The following ARHGEF28 variants were observed in gnomAD, a reference collection of about 807,000 sequenced individuals.
ARHGEF28 encodes the protein 190 kDa guanine nucleotide exchange factor.
ARHGEF28 carries 152 observed loss-of-function variants against 206.6 expected under a neutral mutation model. That is an observed-to-expected ratio of 0.74 (90% CI 0.64 to 0.84). ARHGEF28 has a LOEUF of 0.84. ARHGEF28 is among the 40% of genes least tolerant of loss of function. ARHGEF28 has a pLI of 0.00. For missense variants in ARHGEF28, 2,028 were observed against 2,073.2 expected, an observed-to-expected ratio of 0.98 and a Z score of 0.42; for synonymous variants, 763 against 776.4, an observed-to-expected ratio of 0.98 and a Z score of 0.29.
In ARHGEF28 at chr5:73,867,867, G is replaced by A. The variant is rs746530833; in HGVS notation, c.2153-9G>A. The A allele has an allele frequency of 2.5e-6, 4 of 1,613,792 alleles. No homozygotes were observed. Among genetic ancestry groups the A allele is most frequent in the Non-Finnish European group, 3.4e-6 (4 of 1,179,858 alleles). Reference sequence around the variant, plus strand: ...GGAAACCACATGAAGCATCTGTTCTGATTTCCAGATTCTTCATTTAGAGAC... The same window carrying A: ...GGAAACCACATGAAGCATCTGTTCTAATTTCCAGATTCTTCATTTAGAGAC... On this transcript the variant is annotated splice_polypyrimidine_tract_variant and intron_variant, in intron 18 of 35. Transcript: ENST00000513042.
At chr5:73,779,019 G>T (rs1753687215) in intron 6 of ARHGEF28, among the ~76,000 whole-genome samples, 1 of 152,178 alleles carries the variant, frequency 6.6e-6, no homozygotes, top group Non-Finnish European at 1.5e-5. Context: ...CTGTAGTCCT[G>T]TAGAACAATG....
chr5:73,857,529 A>G (rs1759121629), intron 14 of ARHGEF28, 127 bp from the exon 15 acceptor site: 7 of 1,040,072 alleles, frequency 6.7e-6, no homozygotes, highest in Non-Finnish European at 8.0e-6. Context: ...ACAGCCACTA[A>G]AACCTGAAAA....
intron 1 of ARHGEF28, among the ~76,000 whole-genome samples, chr5:73,672,124 A>G (rs16870666): frequency 0.22 from 33,114 of 151,980 alleles, 3,852 homozygotes; most frequent in Non-Finnish European, 0.24. Context: ...GGAAATGTGT[A>G]ATTAAGAGTG....
rs564094380 is a variant in ARHGEF28 at position 73,893,319 on chromosome 5, C to T, written c.3658+31C>T. The T allele has an allele frequency of 9.3e-6, 14 of 1,507,322 alleles. No individual in the cohort carries two copies. The Admixed American group carries it at 1.3e-4, about 14-fold the overall frequency. The allele number at this position is 1,507,322 out of a possible 1,614,324, so 93.4% of individuals were successfully genotyped here. A position where few individuals can be genotyped will look rare whatever the true frequency, so the allele number is the denominator to read the frequency against. On this transcript the variant is annotated intron_variant, in intron 28 of 35. Coordinates refer to ENST00000513042, the MANE Select transcript of ARHGEF28 (RefSeq NM_001177693.2). The stretch of plus-strand genomic sequence containing the variant: ...GTGCAGGCACTTCTGGCTCCCTGGT[C>T]GTGGTGTTCTCCTGGGTGTTGGGAA...
chr5:73,846,756 A>G (rs184946147), intron 12 of ARHGEF28, among the ~76,000 whole-genome samples: 3 of 152,290 alleles, frequency 2.0e-5, no homozygotes, highest in East Asian at 1.9e-4. Flanking sequence ...TCATTTTACA[A>G]TGATTTCTCC....
chr5:73,717,041 C>G (rs1156302390), intron 2 of ARHGEF28, among the ~76,000 whole-genome samples: 3 of 151,956 alleles, frequency 2.0e-5, no homozygotes, highest in Non-Finnish European at 4.4e-5. Flanking sequence ...AATTGCTGAC[C>G]TTAGACAATT....
rs535085039 is a variant in ARHGEF28 at position 73,846,417 on chromosome 5, C to T, written c.1577C>T (p.Pro526Leu). The T allele has an allele frequency of 4.2e-5, 67 of 1,613,894 alleles. No homozygotes were observed. The highest frequency in any genetic ancestry group is 2.4e-4 in the South Asian group (22 of 91,070). The change falls in exon 12 of 36, where the codon CCG becomes CTG. Residue 526 changes from proline to leucine, a missense_variant. Physicochemically the swap from Pro to Leu is moderately conservative, Grantham distance 98. This residue lies in a region of ARHGEF28 where 1,002 missense variants were observed against 1,015.3 expected (regional missense o/e 0.99). Coordinates refer to ENST00000513042, the MANE Select transcript of ARHGEF28 (RefSeq NM_001177693.2). ...ELDSFETNTEPDFNISRAESL... is the reference protein window; with the variant it reads ...ELDSFETNTELDFNISRAESL... ...GACTCTTTTGAGACTAACACTGAACCGGATTTTAATATCTCCAGGGCTGAA... is the reference window on the plus strand; with the variant it reads ...GACTCTTTTGAGACTAACACTGAACTGGATTTTAATATCTCCAGGGCTGAA...
chr5:73,837,986 C>T (rs930287364), intron 10 of ARHGEF28, among the ~76,000 whole-genome samples: 1 of 152,128 alleles, frequency 6.6e-6, no homozygotes, highest in Non-Finnish European at 1.5e-5. Flanking sequence ...ATGATCTGCC[C>T]ACCTTGGCCT....
intron 7 of ARHGEF28, among the ~76,000 whole-genome samples, chr5:73,781,983 A>G (rs2112462642): frequency 6.6e-6 from 1 of 152,226 alleles, no homozygotes; most frequent in South Asian, 2.1e-4. Context: ...GCTAGGGAGG[A>G]AAAATATGAC....
In ARHGEF28 at chr5:73,882,573, A is replaced by G. The variant is rs1580044120; in HGVS notation, c.2916A>G (p.Lys972=). 6.7e-7 allele frequency: 1 copy of G among 1,499,774 alleles called. No homozygotes were observed. Among genetic ancestry groups the G allele is most frequent in the Non-Finnish European group, 8.9e-7 (1 of 1,118,838 alleles). 92.9% of individuals were successfully genotyped at this position (1,499,774 alleles called of 1,614,324 possible). Residue 972 remains lysine (K), a synonymous_variant, in exon 23 of 36, where the codon AAA becomes AAG. Coordinates refer to ENST00000513042, the MANE Select transcript of ARHGEF28 (RefSeq NM_001177693.2). ...VNLFKELQQN[K]KFQNFIKLRN... is the part of the protein sequence containing the mutation. Reference sequence around the variant, plus strand: ...TCTTTAAAGAACTCCAGCAGAATAAAAAGTTTCAGAATTTTATTAAGGCAA... The same window carrying G: ...TCTTTAAAGAACTCCAGCAGAATAAGAAGTTTCAGAATTTTATTAAGGCAA...
At chr5:73,684,288 G>T (rs1747302229) in intron 1 of ARHGEF28, among the ~76,000 whole-genome samples, 1 of 152,104 alleles carries the variant, frequency 6.6e-6, no homozygotes. Context: ...CTATGAGTTG[G>T]ACTATCTAGG....
Position 73,892,188 on chromosome 5 carries a change from A to T in ARHGEF28, c.3524A>T (p.Glu1175Val). Residue 1175 changes from glutamate (E) to valine (V), a missense_variant, in exon 27 of 36, where the codon GAA becomes GTA. By Grantham distance (121) the Glu-to-Val change is moderately radical. Coordinates refer to ENST00000513042, the MANE Select transcript of ARHGEF28 (RefSeq NM_001177693.2). ...MYEIHTNSKE[E>V]RNNWMRRIQQ... ...GAAATTCACACCAATTCCAAGGAGG[A>T]ACGCAATAACTGGATGAGACGGATC... 6.3e-7 allele frequency: 1 copy of T among 1,575,882 alleles called. No homozygotes were observed. Among genetic ancestry groups the T allele is most frequent in the African/African-American group, 1.3e-5 (1 of 74,372 alleles).
chr5:73,822,538 T>C (rs773054406), intron 9 of ARHGEF28, among the ~76,000 whole-genome samples: 24 of 152,288 alleles, frequency 1.6e-4, no homozygotes, highest in Non-Finnish European at 3.1e-4. Flanking sequence ...CAGAAGAGTA[T>C]GGCCAAGACT....
intron 1 of ARHGEF28, among the ~76,000 whole-genome samples, chr5:73,648,905 G>A (rs1267590114): frequency 1.3e-5 from 2 of 152,118 alleles, no homozygotes; most frequent in African/African-American, 4.8e-5. Context: ...TCCTAGGTTG[G>A]CCAACCTCTG....
intron 9 of ARHGEF28, among the ~76,000 whole-genome samples, chr5:73,813,939 A>G (rs562975868): frequency 6.6e-6 from 1 of 151,270 alleles, no homozygotes; most frequent in Non-Finnish European, 1.5e-5. Context: ...AAGGGAGTTT[A>G]GTATAAGGTA....
At chr5:73,645,761 C>G (rs921670646) in intron 1 of ARHGEF28, among the ~76,000 whole-genome samples, 1 of 152,046 alleles carries the variant, frequency 6.6e-6, no homozygotes, top group Non-Finnish European at 1.5e-5. Context: ...AGGTCTTGTG[C>G]ATTTCTATTT....
intron 7 of ARHGEF28, among the ~76,000 whole-genome samples, chr5:73,790,911 G>C (rs1171388567): frequency 6.6e-6 from 1 of 152,156 alleles, no homozygotes; most frequent in Non-Finnish European, 1.5e-5. Context: ...AAAAGGGTTG[G>C]CTTTTGGACT....
At chr5:73,796,750 A>T (rs762509711) in intron 9 of ARHGEF28, among the ~76,000 whole-genome samples, 9 of 152,222 alleles carry the variant, frequency 5.9e-5, no homozygotes, top group Non-Finnish European at 1.3e-4. Flanking sequence ...AGGTAAGAGT[A>T]ATGATTTACT....
intron 22 of ARHGEF28, among the ~76,000 whole-genome samples, chr5:73,874,871 A>G (rs1760355318): frequency 6.7e-6 from 1 of 150,240 alleles, no homozygotes; most frequent in Non-Finnish European, 1.5e-5. Flanking sequence ...TAATGCCACA[A>G]TAAACATACG....
Sources: allele counts gnomAD v4.1 joint callset (sites outside exome capture counted in the v4.1 genomes callset), GRCh38; gene constraint gnomAD v4.1.1; regional missense constraint gnomAD v4.1.1; transcripts MANE v1.5; gene names NCBI Gene and HGNC (gene_info 2026-07-23, HGNC 2026-07-21).